The following CMTM3 variants were observed in gnomAD, a reference collection of about 807,000 sequenced individuals.
CMTM3 encodes CKLF-like MARVEL transmembrane domain-containing protein 3.
CMTM3 carries 7 observed loss-of-function variants against 18.2 expected under a neutral mutation model. That is an observed-to-expected ratio of 0.38 (90% CI 0.22 to 0.72). The LOEUF is 0.72. Ranked by LOEUF, CMTM3 falls within the 30% of genes least tolerant of loss-of-function variation. CMTM3 has a pLI of 0.46. For missense variants in CMTM3, 227 were observed against 249.2 expected, an observed-to-expected ratio of 0.91 and a Z score of 0.60; for synonymous variants, 109 against 111.2, an observed-to-expected ratio of 0.98 and a Z score of 0.12.
Position 66,609,863 on chromosome 16 carries a change from C to T in CMTM3, c.400-20C>T. On this transcript the variant is annotated intron_variant, in intron 3 of 4. Coordinates refer to ENST00000567572, the MANE Select transcript of CMTM3 (RefSeq NM_181553.4). This position sits in a 1 kb window ranked among gnomAD's most constrained non-coding sequence, Gnocchi z 4.4. The stretch of plus-strand genomic sequence containing the variant: ...GCAGGGAGTCAGCCCTGTGATGCAT[C>T]CCATCCACCCTGTCCACAGGTGTTT... 1 of 1,614,174 alleles carries T rather than the reference C, an allele frequency of 6.2e-7. No homozygotes were observed. Among genetic ancestry groups the T allele is most frequent in the Non-Finnish European group, 8.5e-7 (1 of 1,180,032 alleles).
intron 1 of CMTM3, among the ~76,000 whole-genome samples, chr16:66,607,052 A>G (rs1464732546): frequency 2.6e-5 from 4 of 152,182 alleles, no homozygotes; most frequent in Non-Finnish European, 4.4e-5. Flanking sequence ...TTCAAATTCT[A>G]GTAGCCTCTG....
Position 66,612,958 on chromosome 16 carries a change from A to G in CMTM3, c.*321A>G. 1 of 676,334 alleles carries G rather than the reference A, an allele frequency of 1.5e-6. No individual in the cohort carries two copies. Among genetic ancestry groups the G allele is most frequent in the Non-Finnish European group, 2.7e-6 (1 of 370,636 alleles). The allele number at this position is 676,334 out of a possible 1,614,324, so 41.9% of individuals were successfully genotyped here. A position where few individuals can be genotyped will look rare whatever the true frequency, so the allele number is the denominator to read the frequency against. Reference sequence around the variant, plus strand: ...GGAGACAAAGCAGAGCCTTGTCTGTATCTGGGCAGCAGGTGTTCCATGCTG... The same window carrying G: ...GGAGACAAAGCAGAGCCTTGTCTGTGTCTGGGCAGCAGGTGTTCCATGCTG... On this transcript the variant is annotated 3_prime_UTR_variant, in exon 5 of 5. Transcript: ENST00000567572. The surrounding 1 kb of genome is among the most constrained non-coding windows in gnomAD (Gnocchi z 6.0).
Position 66,612,971 on chromosome 16 carries a change from G to A in CMTM3, c.*334G>A, listed in dbSNP as rs1182419408. On this transcript the variant is annotated 3_prime_UTR_variant, in exon 5 of 5. Coordinates refer to ENST00000567572, the MANE Select transcript of CMTM3 (RefSeq NM_181553.4). The surrounding 1 kb of genome is among the most constrained non-coding windows in gnomAD (Gnocchi z 6.0). ...AGCCTTGTCTGTATCTGGGCAGCAG[G>A]TGTTCCATGCTGCTAGGTGGCGGGG... The A allele has an allele frequency of 5.8e-6, 4 of 687,536 alleles. No individual in the cohort carries two copies. In the East Asian group the frequency reaches 1.1e-4, roughly 19 times the overall value. The allele number at this position is 687,536 out of a possible 1,614,324, so 42.6% of individuals were successfully genotyped here.
rs541166804 is a variant in CMTM3, at chr16:66,607,332, G to T, written c.148-977G>T. Among the ~76,000 whole-genome samples the T allele has an allele frequency of 2.6e-5, 4 of 152,322 alleles. No individual in the cohort carries two copies. The East Asian group carries it at 7.7e-4, about 29-fold the overall frequency. Reference sequence around the variant, plus strand: ...TGATTCTTGTAGTTCAAGTACAGCTGGCCCCACCTTTCACAGCTGGCCCTG... The same window carrying T: ...TGATTCTTGTAGTTCAAGTACAGCTTGCCCCACCTTTCACAGCTGGCCCTG... On this transcript the variant is annotated intron_variant, in intron 1 of 4. Coordinates refer to ENST00000567572, the MANE Select transcript of CMTM3 (RefSeq NM_181553.4).
At position 66,604,730 on chromosome 16, in the gene CMTM3, G is replaced by T; in HGVS notation, c.-76G>T. Reference sequence around the variant, plus strand: ...GTGTCGCCTGCCCTCCTTCCGCACAGCCCGGGTTTCCGCTTCCCTCCGGGC... The same window carrying T: ...GTGTCGCCTGCCCTCCTTCCGCACATCCCGGGTTTCCGCTTCCCTCCGGGC... On this transcript the variant is annotated 5_prime_UTR_variant, in exon 1 of 5. Transcript: ENST00000567572. 1 of 1,134,272 alleles carries T rather than the reference G, an allele frequency of 8.8e-7. No individual in the cohort carries two copies. Among genetic ancestry groups the T allele is most frequent in the East Asian group, 3.5e-5 (1 of 28,336 alleles). 70.3% of individuals were successfully genotyped at this position (1,134,272 alleles called of 1,614,324 possible).
Position 66,613,003 on chromosome 16 carries a change from G to A in CMTM3, c.*366G>A, listed in dbSNP as rs1596891296. 1 of 701,580 alleles carries A rather than the reference G, an allele frequency of 1.4e-6. No homozygotes were observed. The highest frequency in any genetic ancestry group is 1.7e-5 in the African/African-American group (1 of 57,326). The allele number at this position is 701,580 out of a possible 1,614,324, so 43.5% of individuals were successfully genotyped here. The stretch of plus-strand genomic sequence containing the variant: ...ATGCTGCTAGGTGGCGGGGGTCGGG[G>A]GTCTTCTGTTTCACTAACAGGAACA... On this transcript the variant is annotated 3_prime_UTR_variant, in exon 5 of 5. Coordinates refer to ENST00000567572, the MANE Select transcript of CMTM3 (RefSeq NM_181553.4).
chr16:66,606,494 G>C (rs2015158863), intron 1 of CMTM3, among the ~76,000 whole-genome samples: 1 of 151,450 alleles, frequency 6.6e-6, no homozygotes, highest in Non-Finnish European at 1.5e-5. Flanking sequence ...AGAGCAAATG[G>C]GGGTGCTCTG....
chr16:66,611,445 T>C (rs355939), intron 4 of CMTM3, among the ~76,000 whole-genome samples: 14,411 of 151,716 alleles, frequency 0.095, 952 homozygotes, highest in East Asian at 0.27. Context: ...TGAGACTCCA[T>C]CTCGGGGGGA....
chr16:66,609,652 T>C lies in CMTM3; in HGVS notation c.399+122T>C. On this transcript the variant is annotated intron_variant, in intron 3 of 4. Transcript: ENST00000567572. This position sits in a 1 kb window ranked among gnomAD's most constrained non-coding sequence, Gnocchi z 4.4. ...CCCTGGGGTCTCATGTGGGTCCCGATGATGATTCCAAAGTCCTCTCATTAA... is the reference window on the plus strand; with the variant it reads ...CCCTGGGGTCTCATGTGGGTCCCGACGATGATTCCAAAGTCCTCTCATTAA... The C allele has an allele frequency of 6.6e-7, 1 of 1,521,820 alleles. No individual in the cohort carries two copies. The highest frequency in any genetic ancestry group is 8.9e-7 in the Non-Finnish European group (1 of 1,127,932). 94.3% of individuals were successfully genotyped at this position (1,521,820 alleles called of 1,614,324 possible). A position where few individuals can be genotyped will look rare whatever the true frequency, so the allele number is the denominator to read the frequency against.
chr16:66,608,290 TCAAACTCCTTCCCCG>T lies in CMTM3; in HGVS notation c.148-16_148-2del. 4.3e-6 allele frequency: 7 copies of T among 1,613,822 alleles called. No individual in the cohort carries two copies. Among genetic ancestry groups the T allele is most frequent in the Non-Finnish European group, 5.9e-6 (7 of 1,179,810 alleles). ...AACATGAAAAGGCTCTGACTTCACC[TCAAACTCCTTCCCCG>T]CAGGGTCTCTCATTCATCACTTTTA... On this transcript the variant is annotated splice_polypyrimidine_tract_variant and splice_region_variant and intron_variant, in intron 1 of 4. Coordinates refer to ENST00000567572, the MANE Select transcript of CMTM3 (RefSeq NM_181553.4). The surrounding 1 kb of genome is among the most constrained non-coding windows in gnomAD (Gnocchi z 5.1).
intron 1 of CMTM3, among the ~76,000 whole-genome samples, chr16:66,606,005 G>A (rs1028726384): frequency 3.9e-5 from 6 of 151,912 alleles, no homozygotes; most frequent in African/African-American, 1.5e-4. Context: ...CGAATCCACC[G>A]TCCCCAGAGT....
At chr16:66,607,835 GTT>G (rs371152659) in intron 1 of CMTM3, among the ~76,000 whole-genome samples, 3 of 145,092 alleles carry the variant, frequency 2.1e-5, no homozygotes, top group African/African-American at 5.1e-5. Context: ...GCCATGCTGG[GTT>G]TTTTTTTTTT....
At position 66,605,559 on chromosome 16, in the gene CMTM3, C is replaced by A. The variant is rs2144730607; in HGVS notation, c.147+607C>A. ...GGACACCGGAGGCGCCCGCACTGTCCGCTGTGGGGTAGGGGTGGCGCTGGG... is the reference window on the plus strand; with the variant it reads ...GGACACCGGAGGCGCCCGCACTGTCAGCTGTGGGGTAGGGGTGGCGCTGGG... On this transcript the variant is annotated intron_variant, in intron 1 of 4. Transcript: ENST00000567572. The surrounding 1 kb of genome is among the most constrained non-coding windows in gnomAD (Gnocchi z 4.6). 1 of 152,508 alleles carries A rather than the reference C, an allele frequency of 6.6e-6. No homozygotes were observed. The highest frequency in any genetic ancestry group is 2.1e-4 in the South Asian group (1 of 4,850). The allele number at this position is 152,508 out of a possible 1,614,324, so 9.4% of individuals were successfully genotyped here.
In CMTM3 at chr16:66,609,986, C is replaced by G. The variant is rs1298845129; in HGVS notation, c.503C>G (p.Thr168Arg). ...LKQGDSADETTAHKTEEENSD... is the reference protein window; with the variant it reads ...LKQGDSADETRAHKTEEENSD... ...CAAGGGGACTCTGCAGATGAGACCACAGCCCACAAGACAGAAGGTAAGCGG... is the reference window on the plus strand; with the variant it reads ...CAAGGGGACTCTGCAGATGAGACCAGAGCCCACAAGACAGAAGGTAAGCGG... Residue 168 changes from threonine (T) to arginine (R), a missense_variant, in exon 4 of 5, where the codon ACA becomes AGA. Transcript: ENST00000567572. This position sits in a 1 kb window ranked among gnomAD's most constrained non-coding sequence, Gnocchi z 4.4. 1 of 1,614,196 alleles carries G rather than the reference C, an allele frequency of 6.2e-7. No individual in the cohort carries two copies. Among genetic ancestry groups the G allele is most frequent in the East Asian group, 2.2e-5 (1 of 44,868 alleles).
At chr16:66,606,823 T>C (rs1373965898) in intron 1 of CMTM3, among the ~76,000 whole-genome samples, 2 of 152,080 alleles carry the variant, frequency 1.3e-5, no homozygotes, top group African/African-American at 2.4e-5. Flanking sequence ...TGAAACCCTG[T>C]CTCTACTAAA....
chr16:66,610,465 T>TA lies in CMTM3; in HGVS notation c.520+462_520+463insA. On this transcript the variant is annotated intron_variant, in intron 4 of 4. Coordinates refer to ENST00000567572, the MANE Select transcript of CMTM3 (RefSeq NM_181553.4). The surrounding 1 kb of genome is among the most constrained non-coding windows in gnomAD (Gnocchi z 4.6). ...GTCCCGTACCAGGGGAGGGGCCAGATGGGGCAGCAATGACGACAGTAAAAC... is the reference window on the plus strand; with the variant it reads ...GTCCCGTACCAGGGGAGGGGCCAGATAGGGGCAGCAATGACGACAGTAAAAC... Among the ~76,000 whole-genome samples, 1 of 152,042 alleles carries TA rather than the reference T, an allele frequency of 6.6e-6. No homozygotes were observed.
Position 66,609,820 on chromosome 16 carries a change from G to A in CMTM3, c.400-63G>A. Reference sequence around the variant, plus strand: ...AGATCTGAAATGGGCCGTGAGGCTGGGGCAGCAGCCTCCCGGAGCAGGGAG... The same window carrying A: ...AGATCTGAAATGGGCCGTGAGGCTGAGGCAGCAGCCTCCCGGAGCAGGGAG... On this transcript the variant is annotated intron_variant, in intron 3 of 4. Coordinates refer to ENST00000567572, the MANE Select transcript of CMTM3 (RefSeq NM_181553.4). The surrounding 1 kb of genome is among the most constrained non-coding windows in gnomAD (Gnocchi z 4.4). 1 of 1,614,090 alleles carries A rather than the reference G, an allele frequency of 6.2e-7. No individual in the cohort carries two copies. The highest frequency in any genetic ancestry group is 8.5e-7 in the Non-Finnish European group (1 of 1,179,952).
rs1305519633 is a variant in CMTM3 at position 66,605,261 on chromosome 16, C to T, written c.147+309C>T. On this transcript the variant is annotated intron_variant, in intron 1 of 4. Coordinates refer to ENST00000567572, the MANE Select transcript of CMTM3 (RefSeq NM_181553.4). This position sits in a 1 kb window ranked among gnomAD's most constrained non-coding sequence, Gnocchi z 4.6. Reference sequence around the variant, plus strand: ...GCTGTGTGAGCCAGGCGCCCCCGCCCTCTCTGGGCCCCGGGGACTCGGGCA... The same window carrying T: ...GCTGTGTGAGCCAGGCGCCCCCGCCTTCTCTGGGCCCCGGGGACTCGGGCA... 3 of 252,626 alleles carry T rather than the reference C, an allele frequency of 1.2e-5. No individual in the cohort carries two copies. The highest frequency in any genetic ancestry group is 2.3e-5 in the Non-Finnish European group (3 of 132,778). 15.6% of individuals were successfully genotyped at this position (252,626 alleles called of 1,614,324 possible). A position where few individuals can be genotyped will look rare whatever the true frequency, so the allele number is the denominator to read the frequency against.
chr16:66,608,828 C>T lies in CMTM3; in HGVS notation c.303+364C>T, dbSNP rs752802524. Among the ~76,000 whole-genome samples, 5 of 152,212 alleles carry T rather than the reference C, an allele frequency of 3.3e-5. No individual in the cohort carries two copies. The highest frequency in any genetic ancestry group is 2.1e-4 in the South Asian group (1 of 4,834). On this transcript the variant is annotated intron_variant, in intron 2 of 4. Coordinates refer to ENST00000567572, the MANE Select transcript of CMTM3 (RefSeq NM_181553.4). The surrounding 1 kb of genome is among the most constrained non-coding windows in gnomAD (Gnocchi z 5.1). ...TTAACTGAGGACTTGCAGGGCTTAC[C>T]CAGACTTCAGCCATCGGCAACCCTG...
Sources: allele counts gnomAD v4.1 joint callset (sites outside exome capture counted in the v4.1 genomes callset), GRCh38; gene constraint gnomAD v4.1.1; non-coding constraint Gnocchi (gnomAD v3.1); transcripts MANE v1.5; gene names NCBI Gene and HGNC (gene_info 2026-07-23, HGNC 2026-07-21).